Variants in AHCYL2 observed in about 807,000 individuals in gnomAD.
The protein encoded by AHCYL2 is S-adenosylhomocysteine hydrolase-like protein 2.
A neutral mutation model predicts 81.4 loss-of-function variants in AHCYL2; 28 were observed. The observed-to-expected ratio is 0.34, with a 90% confidence interval of 0.25 to 0.47. AHCYL2 has a LOEUF of 0.47. AHCYL2 is among the 20% of genes least tolerant of loss of function. The pLI, the probability that AHCYL2 is intolerant of heterozygous loss-of-function variation, is 1.00. For synonymous variants in AHCYL2, 272 were observed against 290.2 expected (o/e 0.94, Z 0.64); for missense variants, 551 against 785.1 (o/e 0.70, Z 3.56).
chr7:129,339,479 T>C (rs542774583), intron 1 of AHCYL2, among the ~76,000 whole-genome samples: 16 of 152,364 alleles, frequency 1.1e-4, no homozygotes, highest in African/African-American at 3.8e-4. Context: ...TCAGTAGTTA[T>C]GTATCCATCT....
chr7:129,238,591 C>A (rs1469075491), intron 1 of AHCYL2, among the ~76,000 whole-genome samples: 5 of 152,072 alleles, frequency 3.3e-5, no homozygotes, highest in African/African-American at 7.2e-5. Context: ...ATACTGGAAA[C>A]AGGAATTGTA....
intron 12 of AHCYL2, 49 bp from the exon 13 acceptor site, chr7:129,422,791 A>C (rs1368549202): frequency 6.4e-7 from 1 of 1,556,090 alleles, no homozygotes; most frequent in South Asian, 1.1e-5. Flanking sequence ...TTCTGTTCCC[A>C]CAGTGGGGCT....
At chr7:129,323,609 C>T (rs1563196771) in intron 1 of AHCYL2, among the ~76,000 whole-genome samples, 1 of 137,808 alleles carries the variant, frequency 7.3e-6, no homozygotes, top group Non-Finnish European at 1.5e-5. Flanking sequence ...CTGTATCTTT[C>T]CTGCTTTTTC....
intron 1 of AHCYL2, among the ~76,000 whole-genome samples, chr7:129,364,317 C>T (rs954568856): frequency 1.2e-4 from 18 of 152,206 alleles, no homozygotes; most frequent in South Asian, 4.1e-4. Flanking sequence ...ATTTTTGAGA[C>T]GGAGTCTCAC....
chr7:129,403,707 C>A (rs936376908), intron 7 of AHCYL2, among the ~76,000 whole-genome samples: 64 of 151,400 alleles, frequency 4.2e-4, no homozygotes, highest in African/African-American at 1.4e-3. Context: ...ACTAAAAATA[C>A]AAAAAAATTA....
At chr7:129,278,244 A>AT (rs1185668774) in intron 1 of AHCYL2, among the ~76,000 whole-genome samples, 1 of 151,540 alleles carries the variant, frequency 6.6e-6, no homozygotes, top group African/African-American at 2.4e-5. Flanking sequence ...ATTTTATTTT[A>AT]TTTTTTATTT....
chr7:129,370,067 T>A lies in AHCYL2; in HGVS notation c.364-9571T>A, dbSNP rs918528860. Among the ~76,000 whole-genome samples, 10 of 152,192 alleles carry A rather than the reference T, an allele frequency of 6.6e-5. No homozygotes were observed. In the East Asian group the frequency reaches 1.9e-3, roughly 29 times the overall value. On this transcript the variant is annotated intron_variant, in intron 1 of 16. Coordinates refer to ENST00000325006, the MANE Select transcript of AHCYL2 (RefSeq NM_015328.4). ...AGGGCCACGTTAAGGTATCAAACTT[T>A]GGTATTTCTATAAAGGAATATTACA...
intron 1 of AHCYL2, among the ~76,000 whole-genome samples, chr7:129,254,106 A>G (rs1057108095): frequency 1.3e-5 from 2 of 152,210 alleles, no homozygotes; most frequent in Admixed American, 6.5e-5. Context: ...TTAGTATAAC[A>G]TCTAAATGAA....
intron 1 of AHCYL2, among the ~76,000 whole-genome samples, chr7:129,350,384 CTTT>C (rs566590118): frequency 2.1e-5 from 3 of 140,036 alleles, no homozygotes; most frequent in Admixed American, 7.2e-5. Flanking sequence ...TAAATGTAGT[CTTT>C]TTTTTTTTTT....
intron 1 of AHCYL2, among the ~76,000 whole-genome samples, chr7:129,322,312 G>T (rs1291626078): frequency 6.6e-6 from 1 of 151,228 alleles, no homozygotes; most frequent in Non-Finnish European, 1.5e-5. Flanking sequence ...GCTAATTTTT[G>T]TATTTTTAGT....
At chr7:129,413,144 CTTT>C (rs35091143) in intron 11 of AHCYL2, among the ~76,000 whole-genome samples, 1 of 135,860 alleles carries the variant, frequency 7.4e-6, no homozygotes, top group Non-Finnish European at 1.6e-5. Context: ...GCCTGGCCTG[CTTT>C]TTTTTTTTTT....
intron 8 of AHCYL2, 167 bp downstream of exon 8, chr7:129,405,380 T>G: frequency 2.3e-6 from 1 of 444,170 alleles, no homozygotes; most frequent in Non-Finnish European, 4.0e-6. Flanking sequence ...TTTTATTTTC[T>G]CCTTTGTATC....
At chr7:129,328,258 A>C (rs1798297357) in intron 1 of AHCYL2, among the ~76,000 whole-genome samples, 1 of 151,872 alleles carries the variant, frequency 6.6e-6, no homozygotes, top group South Asian at 2.1e-4. Flanking sequence ...GCTCACTGCA[A>C]CCTCTGCCTC....
chr7:129,242,911 G>A (rs1794914815), intron 1 of AHCYL2, among the ~76,000 whole-genome samples: 1 of 151,252 alleles, frequency 6.6e-6, no homozygotes. Flanking sequence ...GTGAGATTGA[G>A]TTTCTTCTAA....
intron 4 of AHCYL2, among the ~76,000 whole-genome samples, chr7:129,392,634 T>C (rs896082670): frequency 2.6e-5 from 4 of 152,216 alleles, no homozygotes; most frequent in African/African-American, 9.6e-5. Context: ...TAGTGTGTAT[T>C]TTCTACAAAG....
intron 11 of AHCYL2, among the ~76,000 whole-genome samples, chr7:129,412,279 T>A (rs530758306): frequency 6.6e-6 from 1 of 151,894 alleles, no homozygotes; most frequent in African/African-American, 2.4e-5. Flanking sequence ...AAAAACAACA[T>A]TTTTAGGAAT....
intron 1 of AHCYL2, among the ~76,000 whole-genome samples, chr7:129,337,959 G>A (rs1256999290): frequency 6.6e-6 from 1 of 151,868 alleles, no homozygotes; most frequent in East Asian, 1.9e-4. Context: ...GGTCAGGCTG[G>A]CCTCAAACTC....
intron 1 of AHCYL2, among the ~76,000 whole-genome samples, chr7:129,264,600 G>T (rs1371149943): frequency 6.6e-6 from 1 of 152,200 alleles, no homozygotes; most frequent in East Asian, 1.9e-4. Flanking sequence ...CAGAGAACAG[G>T]ATACCCAAAT....
intron 7 of AHCYL2, 27 bp downstream of exon 7, chr7:129,403,512 T>C: frequency 2.0e-6 from 3 of 1,477,270 alleles, no homozygotes; most frequent in African/African-American, 1.4e-5. Context: ...GCATACCTGG[T>C]TTTATGCAGT....
Sources: gnomAD v4.1 joint callset for allele counts (sites outside exome capture counted in the v4.1 genomes callset) on GRCh38, gnomAD v4.1.1 for gene constraint, MANE v1.5 for transcripts, NCBI Gene and HGNC (gene_info 2026-07-23, HGNC 2026-07-21) for gene names.